The following KCTD8 variants were observed in gnomAD, a reference collection of about 807,000 sequenced individuals.
KCTD8 encodes potassium channel tetramerization domain containing 8.
KCTD8 carries 27 observed loss-of-function variants against 31.5 expected under a neutral mutation model. That is an observed-to-expected ratio of 0.86 (90% CI 0.63 to 1.18). The LOEUF is 1.18. KCTD8 is among the 50% of genes most tolerant of loss of function. The pLI, the probability that KCTD8 is intolerant of heterozygous loss-of-function variation, is 0.00. For missense variants in KCTD8, 658 were observed against 647.7 expected, an observed-to-expected ratio of 1.02 and a Z score of -0.17; for synonymous variants, 290 against 280.0, an observed-to-expected ratio of 1.04 and a Z score of -0.36.
Position 44,406,656 on chromosome 4 carries a change from G to A in KCTD8, c.961+40907C>T, listed in dbSNP as rs545089896. Among the ~76,000 whole-genome samples the A allele has an allele frequency of 9.9e-5, 15 of 152,064 alleles. No homozygotes were observed. The South Asian group carries it at 2.9e-3, about 29-fold the overall frequency. ...ACACACCTTGCCTTAACTCAAATAT[G>A]ATCTACAAAATATAAAATCCAAAAA... On this transcript the variant is annotated intron_variant, in intron 1 of 1. Coordinates refer to ENST00000360029, the MANE Select transcript of KCTD8 (RefSeq NM_198353.3).
chr4:44,372,474 A>G (rs1192322007), intron 1 of KCTD8, among the ~76,000 whole-genome samples: 1 of 152,214 alleles, frequency 6.6e-6, no homozygotes, highest in Non-Finnish European at 1.5e-5. Context: ...GCAGCCTTAT[A>G]GAGGAGGTGA....
chr4:44,203,482 C>T (rs1481003200), intron 1 of KCTD8, among the ~76,000 whole-genome samples: 9 of 125,736 alleles, frequency 7.2e-5, no homozygotes, highest in African/African-American at 1.2e-4. Context: ...GCAACAAGAG[C>T]GAGACTCCAT....
chr4:44,441,671 C>G (rs1220186492), intron 1 of KCTD8, among the ~76,000 whole-genome samples: 1 of 152,078 alleles, frequency 6.6e-6, no homozygotes, highest in Non-Finnish European at 1.5e-5. Flanking sequence ...CTCTATGAAC[C>G]AGGGATGTTA....
intron 1 of KCTD8, among the ~76,000 whole-genome samples, chr4:44,252,668 TA>T (rs1560406660): frequency 2.0e-5 from 3 of 151,828 alleles, no homozygotes; most frequent in Admixed American, 6.6e-5. Context: ...AATATTAAAC[TA>T]TTCTTTCTTT....
intron 1 of KCTD8, among the ~76,000 whole-genome samples, chr4:44,249,247 T>G (rs1715756772): frequency 6.6e-6 from 1 of 151,840 alleles, no homozygotes; most frequent in African/African-American, 2.4e-5. Context: ...TTCTCATGAT[T>G]AAATATATGT....
chr4:44,419,244 T>C (rs1721153153), intron 1 of KCTD8, among the ~76,000 whole-genome samples: 1 of 152,164 alleles, frequency 6.6e-6, no homozygotes, highest in Non-Finnish European at 1.5e-5. Context: ...TACAAGACCA[T>C]TCTGGCATCA....
chr4:44,309,573 T>C lies in KCTD8; in HGVS notation c.962-134323A>G, dbSNP rs187613611. 6.7e-3 allele frequency among the ~76,000 whole-genome samples: 1,021 copies of C among 152,236 alleles called. 16 individuals are homozygous for C. The highest frequency in any genetic ancestry group is 7.5e-3 in the Non-Finnish European group (511 of 68,004). ...TTTTACTCACAACATATTCAACAAC[T>C]TGTACTGTTGAATTTTATAACTGTC... On this transcript the variant is annotated intron_variant, in intron 1 of 1. Coordinates refer to ENST00000360029, the MANE Select transcript of KCTD8 (RefSeq NM_198353.3).
intron 1 of KCTD8, among the ~76,000 whole-genome samples, chr4:44,362,977 T>C (rs1032120290): frequency 6.6e-6 from 1 of 152,100 alleles, no homozygotes; most frequent in Non-Finnish European, 1.5e-5. Flanking sequence ...AACAGCCTAG[T>C]AAAATTAGGG....
intron 1 of KCTD8, among the ~76,000 whole-genome samples, chr4:44,398,984 A>C (rs1252582317): frequency 6.6e-6 from 1 of 152,202 alleles, no homozygotes. Context: ...GTAAAACAAA[A>C]GAGTAAGGAG....
At chr4:44,320,818 T>G (rs1260677755) in intron 1 of KCTD8, among the ~76,000 whole-genome samples, 5 of 121,442 alleles carry the variant, frequency 4.1e-5, no homozygotes, top group Admixed American at 4.0e-4. Context: ...TATTCCTGAT[T>G]CTTAAAAAAA....
rs139393820 is a variant in KCTD8, at chr4:44,261,499, T to A, written c.962-86249A>T. ...ATATTTCACATAAACAATATAGTACTACTAACTATAGTCATCATGCTATAC... is the reference window on the plus strand; with the variant it reads ...ATATTTCACATAAACAATATAGTACAACTAACTATAGTCATCATGCTATAC... On this transcript the variant is annotated intron_variant, in intron 1 of 1. Coordinates refer to ENST00000360029, the MANE Select transcript of KCTD8 (RefSeq NM_198353.3). Among the ~76,000 whole-genome samples, 26 of 152,122 alleles carry A rather than the reference T, an allele frequency of 1.7e-4. No homozygotes were observed. In the East Asian group the frequency reaches 4.8e-3, roughly 28 times the overall value.
chr4:44,446,987 C>A (rs1303953032), intron 1 of KCTD8, among the ~76,000 whole-genome samples: 2 of 150,278 alleles, frequency 1.3e-5, no homozygotes, highest in African/African-American at 5.0e-5. Context: ...CCCGCCCCCT[C>A]GAGGGGCTCT....
intron 1 of KCTD8, among the ~76,000 whole-genome samples, chr4:44,236,963 T>C (rs1038941047): frequency 6.6e-6 from 1 of 152,200 alleles, no homozygotes; most frequent in Non-Finnish European, 1.5e-5. Flanking sequence ...ACGTAAGATG[T>C]GCCTTCGCCT....
chr4:44,395,717 C>T (rs950338699), intron 1 of KCTD8, among the ~76,000 whole-genome samples: 1 of 152,088 alleles, frequency 6.6e-6, no homozygotes, highest in Non-Finnish European at 1.5e-5. Context: ...CGTACTTTTA[C>T]TATTTTCTGA....
intron 1 of KCTD8, among the ~76,000 whole-genome samples, chr4:44,322,870 G>A (rs1718332735): frequency 6.6e-6 from 1 of 151,990 alleles, no homozygotes; most frequent in Non-Finnish European, 1.5e-5. Context: ...TGTTATTGGT[G>A]CCTTTGGTAA....
intron 1 of KCTD8, among the ~76,000 whole-genome samples, chr4:44,243,825 C>T (rs1715573663): frequency 6.6e-6 from 1 of 152,188 alleles, no homozygotes; most frequent in African/African-American, 2.4e-5. Context: ...GTGATAGAAA[C>T]ATTTTTGTCC....
rs184261139 is a variant in KCTD8 at position 44,294,072 on chromosome 4, G to A, written c.962-118822C>T. 1.7e-4 allele frequency among the ~76,000 whole-genome samples: 26 copies of A among 152,210 alleles called. No individual in the cohort carries two copies. The South Asian group carries it at 2.7e-3, about 16-fold the overall frequency. ...ATGTTCATTTTGCCAAAGGTTTAAC[G>A]AAATTGACAATAACAAAAGTATAAG... On this transcript the variant is annotated intron_variant, in intron 1 of 1. Transcript: ENST00000360029.
chr4:44,338,119 G>C (rs1276706426), intron 1 of KCTD8, among the ~76,000 whole-genome samples: 1 of 151,696 alleles, frequency 6.6e-6, no homozygotes, highest in Non-Finnish European at 1.5e-5. Flanking sequence ...GGGGTAAACA[G>C]GTTGAAAATA....
rs567360197 is a variant in KCTD8, at chr4:44,263,865, C to T, written c.962-88615G>A. Reference sequence around the variant, plus strand: ...TCCTTAGAAGGACCCTAAGGAATTCCAAAGAAAGCTCTCCATGTTGTTCCT... The same window carrying T: ...TCCTTAGAAGGACCCTAAGGAATTCTAAAGAAAGCTCTCCATGTTGTTCCT... On this transcript the variant is annotated intron_variant, in intron 1 of 1. Coordinates refer to ENST00000360029, the MANE Select transcript of KCTD8 (RefSeq NM_198353.3). Among the ~76,000 whole-genome samples the T allele has an allele frequency of 4.6e-5, 7 of 152,178 alleles. No individual in the cohort carries two copies. The South Asian group carries it at 1.5e-3, about 32-fold the overall frequency.
Sources: allele counts gnomAD v4.1 joint callset (sites outside exome capture counted in the v4.1 genomes callset), GRCh38; gene constraint gnomAD v4.1.1; transcripts MANE v1.5; gene names NCBI Gene and HGNC (gene_info 2026-07-23, HGNC 2026-07-21).